PCDHA2: variants seen among roughly 807,000 people sequenced by gnomAD.
PCDHA2 encodes protocadherin alpha-2.
PCDHA2 carries 58 observed loss-of-function variants against 66.0 expected under a neutral mutation model. The ratio of observed to expected loss-of-function variants is 0.88; its 90% CI spans 0.71 to 1.09. The LOEUF (loss-of-function observed/expected upper bound fraction) is 1.09. Ranked by LOEUF, PCDHA2 falls within the 50% of genes least tolerant of loss-of-function variation. The pLI, the probability that PCDHA2 is intolerant of heterozygous loss-of-function variation, is 0.00. For synonymous variants in PCDHA2, 634 were observed against 554.0 expected (o/e 1.14, Z -2.03); for missense variants, 1,267 against 1,242.3 (o/e 1.02, Z -0.30).
At chr5:140,806,963 A>G in intron 1 of PCDHA2, 2 of 603,190 alleles carry the variant, frequency 3.3e-6, no homozygotes, top group Non-Finnish European at 5.8e-6. Flanking sequence ...GGTTTCCACA[A>G]TTGCTACTTA....
Position 140,969,468 on chromosome 5 carries a change from A to G in PCDHA2, c.2389-9481A>G, listed in dbSNP as rs1554231867. 18 of 1,486,304 alleles carry G rather than the reference A, an allele frequency of 1.2e-5. No individual in the cohort carries two copies. In the South Asian group the frequency reaches 2.5e-4, roughly 21 times the overall value. 92.1% of individuals were successfully genotyped at this position (1,486,304 alleles called of 1,614,324 possible). The stretch of plus-strand genomic sequence containing the variant: ...AAACTGAGTATATATAGTATCCACA[A>G]TTTGATCATAATCTGCTATTTCCTC... On this transcript the variant is annotated intron_variant, in intron 1 of 3. Transcript: ENST00000526136.
chr5:140,884,409 C>A (rs373513056), intron 1 of PCDHA2: 1 of 1,613,992 alleles, frequency 6.2e-7, no homozygotes, highest in Non-Finnish European at 8.5e-7. Context: ...TTGGTGCTCA[C>A]GTTGCTGCTG....
chr5:140,829,701 C>A, intron 1 of PCDHA2: 1 of 1,613,356 alleles, frequency 6.2e-7, no homozygotes, highest in Non-Finnish European at 8.5e-7. Context: ...CAGGTGAGCG[C>A]GCGCGACGCG....
intron 1 of PCDHA2, chr5:140,968,382 A>G: frequency 6.2e-7 from 1 of 1,614,050 alleles, no homozygotes; most frequent in Non-Finnish European, 8.5e-7. Flanking sequence ...TCCTTTGACT[A>G]TGAGAAGTTT....
chr5:140,821,208 T>C (rs2150108977), intron 1 of PCDHA2, among the ~76,000 whole-genome samples: 7 of 152,160 alleles, frequency 4.6e-5, no homozygotes, highest in Non-Finnish European at 8.8e-5. Flanking sequence ...AAGTTTTAAT[T>C]AGATATGTTT....
At chr5:140,863,590 A>G (rs1182896433) in intron 1 of PCDHA2, 1 of 358,846 alleles carries the variant, frequency 2.8e-6, no homozygotes, top group African/African-American at 2.1e-5. Flanking sequence ...CCTGGAAAGT[A>G]TTTCATTCCT....
chr5:140,830,034 T>C (rs1581895588), intron 1 of PCDHA2: 2 of 1,613,732 alleles, frequency 1.2e-6, no homozygotes, highest in East Asian at 2.2e-5. Flanking sequence ...CACCGGCTGC[T>C]GGTGCTGGTG....
At chr5:140,991,447 C>T (rs1554252191) in intron 3 of PCDHA2, among the ~76,000 whole-genome samples, 1 of 152,162 alleles carries the variant, frequency 6.6e-6, no homozygotes, top group African/African-American at 2.4e-5. Context: ...TGGCTTAAAA[C>T]AACACAATGT....
rs1239286349 is a variant in PCDHA2 at position 140,796,330 on chromosome 5, G to A, written c.1366G>A (p.Ala456Thr). 1.2e-6 allele frequency: 2 copies of A among 1,607,564 alleles called. No individual in the cohort carries two copies. Among genetic ancestry groups the A allele is most frequent in the Non-Finnish European group, 1.7e-6 (2 of 1,178,192 alleles). ...ADVNDNAPAF[A>T]QPEYTVFVKE... ...CGTGAACGACAACGCGCCGGCGTTC[G>A]CACAGCCTGAGTACACAGTATTCGT... The change falls in exon 1 of 4, where the codon GCA becomes ACA. Residue 456 changes from alanine to threonine, a missense_variant. By Grantham distance (58) the Ala-to-Thr change is moderately conservative. Coordinates refer to ENST00000526136, the MANE Select transcript of PCDHA2 (RefSeq NM_018905.3).
chr5:140,829,050 T>G (rs1554131730), intron 1 of PCDHA2: 2 of 1,613,108 alleles, frequency 1.2e-6, no homozygotes. Flanking sequence ...AAAATCCTCA[T>G]TGACGCCACG....
At chr5:140,967,980 A>C in intron 1 of PCDHA2, 1 of 1,614,198 alleles carries the variant, frequency 6.2e-7, no homozygotes, top group South Asian at 1.1e-5. Context: ...CTGGGTCTGG[A>C]GGCCACACTG....
intron 1 of PCDHA2, chr5:140,876,450 G>T (rs2153340874): frequency 6.2e-7 from 1 of 1,614,012 alleles, no homozygotes; most frequent in Non-Finnish European, 8.5e-7. Context: ...TTGATAAAGG[G>T]ATTCCTTCCA....
At chr5:140,967,681 G>A (rs367838143) in intron 1 of PCDHA2, 12 of 1,614,086 alleles carry the variant, frequency 7.4e-6, no homozygotes, top group Non-Finnish European at 9.3e-6. Flanking sequence ...ACCGGGAGAG[G>A]CAGCTCTTCA....
intron 3 of PCDHA2, among the ~76,000 whole-genome samples, chr5:140,991,948 A>G (rs2097482017): frequency 6.6e-6 from 1 of 152,046 alleles, no homozygotes; most frequent in Non-Finnish European, 1.5e-5. Flanking sequence ...TAAAATTAGA[A>G]TGCAGTCATT....
chr5:140,943,305 CATT>C (rs1322564942), intron 1 of PCDHA2, among the ~76,000 whole-genome samples: 13 of 146,998 alleles, frequency 8.8e-5, no homozygotes, highest in African/African-American at 3.0e-4. Flanking sequence ...TTTGGGAAGT[CATT>C]ATTAGCAATA....
chr5:140,842,395 T>C, intron 1 of PCDHA2: 1 of 1,611,538 alleles, frequency 6.2e-7, no homozygotes, highest in Non-Finnish European at 8.5e-7. Flanking sequence ...TATCCTTGCC[T>C]GTACGTGAAG....
At chr5:140,841,059 A>C in intron 1 of PCDHA2, 1 of 449,736 alleles carries the variant, frequency 2.2e-6, no homozygotes, top group Non-Finnish European at 3.9e-6. Context: ...CTATTAAATT[A>C]TGATAAAGAA....
intron 1 of PCDHA2, chr5:140,802,990 A>T (rs1462941214): frequency 2.5e-6 from 4 of 1,614,012 alleles, no homozygotes; most frequent in Non-Finnish European, 3.4e-6. Flanking sequence ...CGCGCAGTGG[A>T]TGCAGACTCA....
intron 1 of PCDHA2, chr5:140,871,292 C>G: frequency 1.2e-6 from 2 of 1,613,890 alleles, no homozygotes; most frequent in Non-Finnish European, 8.5e-7. Context: ...ACTGAGGGCG[C>G]GTGCGCGCCG....
Sources: allele counts gnomAD v4.1 joint callset (sites outside exome capture counted in the v4.1 genomes callset), GRCh38; gene constraint gnomAD v4.1.1; transcripts MANE v1.5; gene names NCBI Gene and HGNC (gene_info 2026-07-23, HGNC 2026-07-21).